MCOLN2: variants seen among roughly 807,000 people sequenced by gnomAD.
The protein encoded by MCOLN2 is mucolipin-2.
Under a neutral mutation model 67.5 loss-of-function variants are expected in MCOLN2, and 57 were observed. The observed-to-expected ratio is 0.84, with a 90% confidence interval of 0.68 to 1.05. MCOLN2 has a LOEUF of 1.05. MCOLN2 is among the 50% of genes least tolerant of loss of function. The pLI is 0.00. For synonymous variants in MCOLN2, 246 were observed against 233.3 expected, an observed-to-expected ratio of 1.05 and a Z score of -0.50; for missense variants, 620 against 678.8, an observed-to-expected ratio of 0.91 and a Z score of 0.96.
At chr1:84,944,553 GA>G (rs1484301517) in intron 7 of MCOLN2, among the ~76,000 whole-genome samples, 3 of 150,250 alleles carry the variant, frequency 2.0e-5, no homozygotes, top group African/African-American at 2.5e-5. Flanking sequence ...AAGAAAGAAA[GA>G]AAAAAAACAT....
chr1:84,933,925 G>C (rs1484227324), intron 11 of MCOLN2, among the ~76,000 whole-genome samples: 1 of 152,234 alleles, frequency 6.6e-6, no homozygotes, highest in African/African-American at 2.4e-5. Flanking sequence ...CAGAGACCCA[G>C]TCAATTTTAG....
chr1:84,933,282 C>T (rs1004833743), intron 11 of MCOLN2, among the ~76,000 whole-genome samples: 3 of 152,148 alleles, frequency 2.0e-5, no homozygotes, highest in Non-Finnish European at 4.4e-5. Context: ...TGTACTCCAA[C>T]TAGATACAAA....
chr1:84,990,448 A>AG (rs926290239), intron 1 of MCOLN2, among the ~76,000 whole-genome samples: 1 of 151,982 alleles, frequency 6.6e-6, no homozygotes, highest in Admixed American at 6.6e-5. Flanking sequence ...ATAATAATTA[A>AG]AAAAAAGAAT....
intron 1 of MCOLN2, among the ~76,000 whole-genome samples, chr1:84,979,396 C>G (rs1397640199): frequency 6.6e-6 from 1 of 152,162 alleles, no homozygotes; most frequent in African/African-American, 2.4e-5. Flanking sequence ...GCCAATATCT[C>G]TAATGAATAT....
chr1:84,956,496 T>C lies in MCOLN2; in HGVS notation c.500A>G (p.His167Arg). The part of the protein sequence containing the change: ...NRIGLKVCKQ[H>R]YKKGTMFPSN... Reference sequence around the variant, plus strand: ...AGGAAACATGGTCCCTTTCTTGTAATGCTGCTTACAGACTTTTAAGCCAAT... The same window carrying C: ...AGGAAACATGGTCCCTTTCTTGTAACGCTGCTTACAGACTTTTAAGCCAAT... Residue 167 changes from histidine (H) to arginine (R), a missense_variant, in exon 4 of 14, where the codon CAT becomes CGT. Physicochemically the swap from His to Arg is conservative, Grantham distance 29 (BLOSUM62 0). Coordinates refer to ENST00000370608, the MANE Select transcript of MCOLN2 (RefSeq NM_153259.4). 6.2e-7 allele frequency: 1 copy of C among 1,612,338 alleles called. No individual in the cohort carries two copies. Among genetic ancestry groups the C allele is most frequent in the South Asian group, 1.1e-5 (1 of 90,462 alleles).
chr1:84,968,725 G>A (rs1445304046), intron 1 of MCOLN2, among the ~76,000 whole-genome samples: 1 of 152,102 alleles, frequency 6.6e-6, no homozygotes. Context: ...CCTTTAACCT[G>A]CTCCTTCTTG....
In MCOLN2 at chr1:84,926,418, A is replaced by C; in HGVS notation, c.*267T>G. 1 of 330,572 alleles carries C rather than the reference A, an allele frequency of 3.0e-6. No homozygotes were observed. Among genetic ancestry groups the C allele is most frequent in the Non-Finnish European group, 5.5e-6 (1 of 182,882 alleles). 20.5% of individuals were successfully genotyped at this position (330,572 alleles called of 1,614,324 possible). On this transcript the variant is annotated 3_prime_UTR_variant, in exon 14 of 14. Transcript: ENST00000370608. ...TTTTCCATTCCGAGATCATGTCATA[A>C]ATTAACAGACTAATAGAGAATTTTA...
chr1:84,966,516 C>T lies in MCOLN2; in HGVS notation c.78-808G>A, dbSNP rs564025529. Among the ~76,000 whole-genome samples, 12 of 152,090 alleles carry T rather than the reference C, an allele frequency of 7.9e-5. No individual in the cohort carries two copies. The South Asian group carries it at 1.5e-3, about 18-fold the overall frequency. On this transcript the variant is annotated intron_variant, in intron 1 of 13. Transcript: ENST00000370608. ...ATTACAGAAAATTAGTATAAACAAA[C>T]GGAATTAGATTGTTATGGAAGAAGA...
chr1:84,931,697 T>C, intron 11 of MCOLN2, 129 bp from the exon 12 acceptor site: 2 of 741,600 alleles, frequency 2.7e-6, no homozygotes, highest in South Asian at 3.6e-5. Context: ...TTTAAGATGC[T>C]AGAACACCAT....
intron 2 of MCOLN2, among the ~76,000 whole-genome samples, chr1:84,962,652 A>G (rs1441639526): frequency 2.0e-5 from 3 of 152,244 alleles, no homozygotes; most frequent in East Asian, 1.9e-4. Flanking sequence ...GACTTCAAAT[A>G]GTACCTGAAA....
At chr1:84,928,062 C>T (rs1329934636) in intron 13 of MCOLN2, among the ~76,000 whole-genome samples, 1 of 152,206 alleles carries the variant, frequency 6.6e-6, no homozygotes, top group Non-Finnish European at 1.5e-5. Flanking sequence ...TCCATGCAAG[C>T]CCCCTGGGAT....
At chr1:84,990,699 C>T (rs1026580003) in intron 1 of MCOLN2, among the ~76,000 whole-genome samples, 1 of 152,034 alleles carries the variant, frequency 6.6e-6, no homozygotes, top group African/African-American at 2.4e-5. Flanking sequence ...AGGAGGATCC[C>T]TTGGGCCCAG....
At chr1:84,987,848 T>C (rs183404893) in intron 1 of MCOLN2, among the ~76,000 whole-genome samples, 11 of 151,982 alleles carry the variant, frequency 7.2e-5, no homozygotes, top group Non-Finnish European at 1.0e-4. Context: ...TTCTCACTTA[T>C]AGGTGTGAGC....
At chr1:84,947,362 T>C (rs890097905) in intron 6 of MCOLN2, among the ~76,000 whole-genome samples, 1 of 151,952 alleles carries the variant, frequency 6.6e-6, no homozygotes, top group Admixed American at 6.6e-5. Context: ...AACTATATTT[T>C]GACTGAAATC....
At chr1:84,995,806 T>A (rs2039817) in intron 1 of MCOLN2, among the ~76,000 whole-genome samples, 42,078 of 150,076 alleles carry the variant, frequency 0.28, 6,810 homozygotes, top group Admixed American at 0.38. Flanking sequence ...TCTATTTTTT[T>A]AAAAAAAAAC....
chr1:84,973,621 T>A (rs589653), intron 1 of MCOLN2, among the ~76,000 whole-genome samples: 3 of 151,854 alleles, frequency 2.0e-5, no homozygotes, highest in African/African-American at 7.3e-5. Context: ...ACCAGTTATG[T>A]TTTATGTGGG....
chr1:84,954,779 C>T, intron 4 of MCOLN2, among the ~76,000 whole-genome samples: 1 of 152,220 alleles, frequency 6.6e-6, no homozygotes, highest in East Asian at 1.9e-4. Flanking sequence ...AGGCACTGTG[C>T]TAGGCACTGA....
At position 84,997,009 on chromosome 1, in the gene MCOLN2, C is replaced by T. The variant is rs11804811; in HGVS notation, c.-137G>A. 221 of 730,284 alleles carry T rather than the reference C, an allele frequency of 3.0e-4. No individual in the cohort carries two copies. In the African/African-American group the frequency reaches 3.7e-3, roughly 12 times the overall value. The allele number at this position is 730,284 out of a possible 1,614,324, so 45.2% of individuals were successfully genotyped here. A position where few individuals can be genotyped will look rare whatever the true frequency, so the allele number is the denominator to read the frequency against. On this transcript the variant is annotated 5_prime_UTR_variant, in exon 1 of 14. Transcript: ENST00000370608. ...CAAAGCGGGGTTCCCTTCTCTTACC[C>T]TTTCTGCCGGCCGCGTGGTGCGCGC...
chr1:84,927,445 A>G (rs1661219547), intron 13 of MCOLN2, among the ~76,000 whole-genome samples: 1 of 152,230 alleles, frequency 6.6e-6, no homozygotes, highest in South Asian at 2.1e-4. Context: ...AAGAGGTTTC[A>G]GAGGTCATCT....
Sources: gnomAD v4.1 joint callset for allele counts (sites outside exome capture counted in the v4.1 genomes callset) on GRCh38, gnomAD v4.1.1 for gene constraint, MANE v1.5 for transcripts, NCBI Gene and HGNC (gene_info 2026-07-23, HGNC 2026-07-21) for gene names.